The following MAP3K13 variants were observed in gnomAD, a reference collection of about 807,000 sequenced individuals.
MAP3K13 encodes the protein mitogen-activated protein kinase kinase kinase 13, also known as leucine zipper-bearing kinase.
A neutral mutation model predicts 104.0 loss-of-function variants in MAP3K13; 52 were observed. The ratio of observed to expected loss-of-function variants is 0.50; its 90% CI spans 0.40 to 0.63. The LOEUF is 0.63. MAP3K13 is among the 20% of genes least tolerant of loss of function. The pLI is 0.00. For synonymous variants in MAP3K13, 394 were observed against 442.2 expected, an observed-to-expected ratio of 0.89 and a Z score of 1.37; for missense variants, 914 against 1,218.5, an observed-to-expected ratio of 0.75 and a Z score of 3.72.
At chr3:185,296,074 A>C (rs1294242824) in intron 2 of MAP3K13, among the ~76,000 whole-genome samples, 1 of 152,126 alleles carries the variant, frequency 6.6e-6, no homozygotes, top group Admixed American at 6.6e-5. Context: ...CAGTCTCTAC[A>C]AAATAAAAAT....
chr3:185,460,285 A>T (rs1717021957), intron 7 of MAP3K13, among the ~76,000 whole-genome samples: 1 of 152,188 alleles, frequency 6.6e-6, no homozygotes, highest in Admixed American at 6.5e-5. Flanking sequence ...TTCTATCTTA[A>T]CTAAGCTCTG....
intron 7 of MAP3K13, among the ~76,000 whole-genome samples, chr3:185,458,599 C>T (rs1716907242): frequency 6.6e-6 from 1 of 152,138 alleles, no homozygotes; most frequent in Admixed American, 6.5e-5. Flanking sequence ...TATCCTGCCC[C>T]AGTAGGGAAG....
intron 2 of MAP3K13, among the ~76,000 whole-genome samples, chr3:185,342,666 C>T (rs546167545): frequency 6.6e-6 from 1 of 152,182 alleles, no homozygotes; most frequent in South Asian, 2.1e-4. Context: ...TTATTAGGTG[C>T]TTTTTGTAAA....
At chr3:185,302,306 G>A (rs1721136291) in intron 2 of MAP3K13, among the ~76,000 whole-genome samples, 1 of 152,094 alleles carries the variant, frequency 6.6e-6, no homozygotes, top group African/African-American at 2.4e-5. Flanking sequence ...CCAGCTACCT[G>A]GGAGGCTGAA....
chr3:185,467,069 T>C (rs908875180), intron 10 of MAP3K13, 106 bp downstream of exon 10: 5 of 1,287,314 alleles, frequency 3.9e-6, no homozygotes, highest in Non-Finnish European at 5.5e-6. Context: ...GCTCATCAGA[T>C]GACTGTAGAG....
At chr3:185,313,372 C>A (rs1371347630) in intron 2 of MAP3K13, among the ~76,000 whole-genome samples, 1 of 149,432 alleles carries the variant, frequency 6.7e-6, no homozygotes, top group African/African-American at 2.5e-5. Context: ...TGGGTTCAAG[C>A]GATTCTTCTG....
intron 7 of MAP3K13, among the ~76,000 whole-genome samples, chr3:185,463,215 T>G (rs542095958): frequency 6.6e-6 from 1 of 152,310 alleles, no homozygotes; most frequent in South Asian, 2.1e-4. Flanking sequence ...GGCCAGGCGA[T>G]CTCAGCCACC....
At chr3:185,436,217 G>A (rs560899626) in intron 2 of MAP3K13, among the ~76,000 whole-genome samples, 4 of 152,252 alleles carry the variant, frequency 2.6e-5, no homozygotes, top group East Asian at 3.9e-4. Context: ...GGTAAAAATA[G>A]TTTTTAAGAC....
intron 2 of MAP3K13, among the ~76,000 whole-genome samples, chr3:185,430,281 T>A (rs547427066): frequency 6.6e-6 from 1 of 152,376 alleles, no homozygotes; most frequent in Non-Finnish European, 1.5e-5. Context: ...ATTACACTTT[T>A]GAAGCCCTGG....
chr3:185,419,722 G>T (rs1714011640), intron 1 of MAP3K13, among the ~76,000 whole-genome samples: 1 of 152,004 alleles, frequency 6.6e-6, no homozygotes, highest in Non-Finnish European at 1.5e-5. Context: ...GTCAGAAAAT[G>T]TTGAATATTA....
At chr3:185,403,798 A>G (rs1465830727) in intron 1 of MAP3K13, among the ~76,000 whole-genome samples, 3 of 152,240 alleles carry the variant, frequency 2.0e-5, no homozygotes, top group Non-Finnish European at 4.4e-5. Context: ...AATAAATGAA[A>G]TGCATAGATA....
At chr3:185,453,006 G>A (rs1056023922) in intron 7 of MAP3K13, among the ~76,000 whole-genome samples, 1 of 152,130 alleles carries the variant, frequency 6.6e-6, no homozygotes, top group Non-Finnish European at 1.5e-5. Flanking sequence ...CGCAGATCTG[G>A]AGAGGGGAAG....
intron 12 of MAP3K13, among the ~76,000 whole-genome samples, chr3:185,479,088 T>C (rs188431749): frequency 1.6e-3 from 239 of 152,174 alleles, no homozygotes; most frequent in African/African-American, 4.6e-3. Flanking sequence ...CCCAGAAGCG[T>C]TGGCTCATCA....
rs76831271 is a variant in MAP3K13, at chr3:185,314,110, T to C, written c.-86+28467T>C. The stretch of plus-strand genomic sequence containing the variant: ...TCTGTTGCTGTATTACCAGCTGACA[T>C]TGCGAATCCTGCATTTCTGCCTGTC... On this transcript the variant is annotated intron_variant, in intron 2 of 14. Transcript: ENST00000424227. Among the ~76,000 whole-genome samples the C allele has an allele frequency of 6.1e-3, 928 of 152,358 alleles. 6 individuals are homozygous for C. Among genetic ancestry groups the C allele is most frequent in the African/African-American group, 0.021 (888 of 41,578 alleles).
chr3:185,455,008 G>GATATATATGATATATATGAGAT (rs1560118142), intron 7 of MAP3K13, among the ~76,000 whole-genome samples: 1 of 24,510 alleles, frequency 4.1e-5, no homozygotes, highest in African/African-American at 9.3e-5. Context: ...ATATATATGA[G>GATATATATGATATATATGAGAT]ATATATATGA....
At chr3:185,460,530 T>C (rs970843575) in intron 7 of MAP3K13, among the ~76,000 whole-genome samples, 2 of 152,196 alleles carry the variant, frequency 1.3e-5, no homozygotes, top group African/African-American at 4.8e-5. Flanking sequence ...GCTTCCTCGA[T>C]AGCTGTGCAA....
At chr3:185,285,655 A>T (rs1488976681) in intron 2 of MAP3K13, 2 of 1,533,210 alleles carry the variant, frequency 1.3e-6, no homozygotes, top group African/African-American at 2.7e-5. Context: ...TAAGTAGTTG[A>T]CTGTGTTTTA....
upstream of MAP3K13, among the ~76,000 whole-genome samples, chr3:185,362,811 T>A (rs1218865275): frequency 6.6e-6 from 1 of 152,194 alleles, no homozygotes; most frequent in East Asian, 1.9e-4. Flanking sequence ...AGAGTTCTAA[T>A]GAATAAAAGA....
intron 4 of MAP3K13, 155 bp downstream of exon 4, chr3:185,443,791 G>T: frequency 1.6e-6 from 1 of 622,544 alleles, no homozygotes; most frequent in South Asian, 2.2e-5. Context: ...TTGGGTTATT[G>T]TTGACCTACC....
Sources: allele counts gnomAD v4.1 joint callset (sites outside exome capture counted in the v4.1 genomes callset), GRCh38; gene constraint gnomAD v4.1.1; transcripts MANE v1.5; gene names NCBI Gene and HGNC (gene_info 2026-07-23, HGNC 2026-07-21).